The following GRK1 variants were observed in gnomAD, a reference collection of about 807,000 sequenced individuals.
The protein encoded by GRK1 is rhodopsin kinase GRK1.
Under a neutral mutation model 41.7 loss-of-function variants are expected in GRK1, and 28 were observed. The observed-to-expected ratio is 0.67, with a 90% CI of 0.50 to 0.92. The LOEUF (loss-of-function observed/expected upper bound fraction) is 0.92, where lower values mean the gene tolerates loss of function less well. Among genes scored for constraint, GRK1 ranks in the 40% least tolerant of loss-of-function variants. The pLI is 0.00. For missense variants in GRK1, 703 were observed against 671.2 expected, an observed-to-expected ratio of 1.05 and a Z score of -0.52; for synonymous variants, 327 against 286.7, an observed-to-expected ratio of 1.14 and a Z score of -1.42.
Position 113,731,121 on chromosome 13 carries a change from G to T in GRK1, c.1070-98G>T. On this transcript the variant is annotated intron_variant, in intron 4 of 6. Coordinates refer to ENST00000335678, the MANE Select transcript of GRK1 (RefSeq NM_002929.3). This position sits in a 1 kb window ranked among gnomAD's most constrained non-coding sequence, Gnocchi z 5.6. Reference sequence around the variant, plus strand: ...AATGTGGAGAGTGCTGAGGCCCCGGGGGGGATGCATCCCCAGAGCATCAGT... The same window carrying T: ...AATGTGGAGAGTGCTGAGGCCCCGGTGGGGATGCATCCCCAGAGCATCAGT... The T allele has an allele frequency of 1.4e-6, 2 of 1,457,972 alleles. No homozygotes were observed. Among genetic ancestry groups the T allele is most frequent in the South Asian group, 2.7e-5 (2 of 73,882 alleles). 90.3% of individuals were successfully genotyped at this position (1,457,972 alleles called of 1,614,324 possible). A position where few individuals can be genotyped will look rare whatever the true frequency, so the allele number is the denominator to read the frequency against.
intron 5 of GRK1, among the ~76,000 whole-genome samples, chr13:113,732,653 A>G (rs2049945443): frequency 6.6e-6 from 1 of 152,200 alleles, no homozygotes; most frequent in Non-Finnish European, 1.5e-5. Context: ...TGGGTCAGCC[A>G]GAGTCCCCAA....
intron 4 of GRK1, among the ~76,000 whole-genome samples, chr13:113,730,052 C>T (rs1485699402): frequency 6.8e-6 from 1 of 147,582 alleles, no homozygotes; most frequent in Non-Finnish European, 1.5e-5. Context: ...CAGACCCGTC[C>T]CTCCATCCCG....
At position 113,731,280 on chromosome 13, in the gene GRK1, C is replaced by T. The variant is rs768880180; in HGVS notation, c.1131C>T (p.Ala377=). The T allele has an allele frequency of 3.4e-5, 53 of 1,537,016 alleles. No homozygotes were observed. In the Middle Eastern group the frequency reaches 8.3e-4, roughly 24 times the overall value. ...EEYDFSVDYF[A]LGVTLYEMIA... The stretch of plus-strand genomic sequence containing the variant: ...ACGACTTCTCCGTGGACTACTTTGC[C>T]CTGGGGGTCACCCTGTATGAGATGA... The change falls in exon 5 of 7, where the codon GCC becomes GCT. Residue 377 remains alanine, a synonymous_variant. Coordinates refer to ENST00000335678, the MANE Select transcript of GRK1 (RefSeq NM_002929.3). The surrounding 1 kb of genome is among the most constrained non-coding windows in gnomAD (Gnocchi z 5.6).
the GRK1 span, among the ~76,000 whole-genome samples, chr13:113,660,640 G>A: frequency 6.6e-6 from 1 of 152,330 alleles, no homozygotes; most frequent in Non-Finnish European, 1.5e-5. Context: ...TGGACTGAGA[G>A]GATCGTTTTA....
upstream of GRK1, among the ~76,000 whole-genome samples, chr13:113,664,735 C>G (rs1337818266): frequency 1.3e-5 from 2 of 152,130 alleles, no homozygotes; most frequent in African/African-American, 2.4e-5. This position sits in a 1 kb window ranked among gnomAD's most constrained non-coding sequence, Gnocchi z 5.4. Context: ...CTGAAGCAGA[C>G]TCTTTATTCC....
rs374095114 is a variant in GRK1, at chr13:113,727,190, G to C, written c.1070-4029G>C. Reference sequence around the variant, plus strand: ...CAGGCAGGTGTCTGAACTTCTCCTGGAGTCTGACTCACCAGAGCAGACGTC... The same window carrying C: ...CAGGCAGGTGTCTGAACTTCTCCTGCAGTCTGACTCACCAGAGCAGACGTC... On this transcript the variant is annotated intron_variant, in intron 4 of 6. Transcript: ENST00000335678. Among the ~76,000 whole-genome samples, 6 of 152,250 alleles carry C rather than the reference G, an allele frequency of 3.9e-5. No homozygotes were observed. The East Asian group carries it at 1.2e-3, about 29-fold the overall frequency.
chr13:113,735,710 A>T lies in GRK1; in HGVS notation c.*347A>T. Reference sequence around the variant, plus strand: ...ATTGACCAACCGTGTGGTCAGGGGCAGAGACTCGGTTTTGGCCTCCCAAGA... The same window carrying T: ...ATTGACCAACCGTGTGGTCAGGGGCTGAGACTCGGTTTTGGCCTCCCAAGA... On this transcript the variant is annotated 3_prime_UTR_variant, in exon 7 of 7. Transcript: ENST00000335678. 1 of 200,668 alleles carries T rather than the reference A, an allele frequency of 5.0e-6. No individual in the cohort carries two copies. The highest frequency in any genetic ancestry group is 1.0e-5 in the Non-Finnish European group (1 of 100,168). The allele number at this position is 200,668 out of a possible 1,614,324, so 12.4% of individuals were successfully genotyped here.
chr13:113,670,505 G>A (rs565821530), intron 2 of GRK1, among the ~76,000 whole-genome samples: 1 of 152,400 alleles, frequency 6.6e-6, no homozygotes, highest in Non-Finnish European at 1.5e-5. Context: ...GTGGGCAGGG[G>A]CCATGGCTGT....
intron 2 of GRK1, among the ~76,000 whole-genome samples, chr13:113,670,170 C>T (rs1023022995): frequency 2.0e-5 from 3 of 152,188 alleles, no homozygotes; most frequent in Non-Finnish European, 4.4e-5. Flanking sequence ...AGACGAACTT[C>T]ACCAGCGCCC....
rs145308350 is a variant in GRK1 at position 113,735,772 on chromosome 13, C to T, written c.*409C>T. ...GGCTTCCCAGAGCCACGCTCCTCAGCGGGAGGTGCACGGTGGCCAGGTCAG... is the reference window on the plus strand; with the variant it reads ...GGCTTCCCAGAGCCACGCTCCTCAGTGGGAGGTGCACGGTGGCCAGGTCAG... On this transcript the variant is annotated 3_prime_UTR_variant, in exon 7 of 7. Coordinates refer to ENST00000335678, the MANE Select transcript of GRK1 (RefSeq NM_002929.3). The T allele has an allele frequency of 0.025, 3,926 of 158,350 alleles. 71 individuals are homozygous for T. Among genetic ancestry groups the T allele is most frequent in the Non-Finnish European group, 0.04 (2,888 of 72,310 alleles). 9.8% of individuals were successfully genotyped at this position (158,350 alleles called of 1,614,324 possible). A position where few individuals can be genotyped will look rare whatever the true frequency, so the allele number is the denominator to read the frequency against.
rs765070399 is a variant in GRK1, at chr13:113,733,001, C to T, written c.1312C>T (p.Arg438Cys). 1.4e-5 allele frequency: 22 copies of T among 1,536,984 alleles called. No individual in the cohort carries two copies. The highest frequency in any genetic ancestry group is 1.1e-4 in the South Asian group (9 of 84,072). ...GCTGCTGGAGAAGGACCCGGAGAAG[C>T]GCCTGGGGTTCAGAGATGAGACCTG... ...EALLEKDPEK[R>C]LGFRDETCDK... Residue 438 changes from arginine to cysteine, a missense_variant, in exon 6 of 7, where the codon CGC (arginine) becomes TGC (cysteine). Arg to Cys is a radical substitution (Grantham distance 180). Coordinates refer to ENST00000335678, the MANE Select transcript of GRK1 (RefSeq NM_002929.3).
At chr13:113,658,027 A>C in the GRK1 span, 1 of 1,593,882 alleles carries the variant, frequency 6.3e-7, no homozygotes, top group Non-Finnish European at 8.5e-7. Flanking sequence ...CGCCCCCCGC[A>C]CGTACCCCAC....
intron 4 of GRK1, among the ~76,000 whole-genome samples, chr13:113,730,029 C>T (rs1472297442): frequency 6.6e-6 from 1 of 150,670 alleles, no homozygotes; most frequent in Admixed American, 6.6e-5. Flanking sequence ...GACACAGTCC[C>T]CGTGGCTGCA....
chr13:113,658,957 G>C, the GRK1 span, among the ~76,000 whole-genome samples: 1 of 152,192 alleles, frequency 6.6e-6, no homozygotes. Context: ...TTCTAACAGT[G>C]CTGGTGGGAG....
chr13:113,730,598 C>G (rs1024685522), intron 4 of GRK1, among the ~76,000 whole-genome samples: 1 of 152,242 alleles, frequency 6.6e-6, no homozygotes, highest in Non-Finnish European at 1.5e-5. Flanking sequence ...CGTGGCTGCG[C>G]CCAGAGCCGT....
intron 1 of GRK1, 112 bp from the exon 2 acceptor site, chr13:113,669,575 G>C: frequency 7.6e-7 from 1 of 1,315,376 alleles, no homozygotes; most frequent in East Asian, 2.3e-5. Context: ...GCATGTTTGC[G>C]ACTGCTCCGT....
chr13:113,667,956 C>A lies in GRK1; in HGVS notation c.570C>A (p.Phe190Leu). ...CCCAGCCCATGGGGGAGGACTGGTT[C>A]CTGGACTTCAGGGTCCTAGGGAAAG... ...LEAQPMGEDW[F>L]LDFRVLGKGG... is the part of the protein sequence containing the mutation. Residue 190 changes from phenylalanine (F) to leucine (L), a missense_variant, in exon 1 of 7, where the codon TTC becomes TTA. Phe to Leu is a conservative substitution (Grantham distance 22). Transcript: ENST00000335678. This position sits in a 1 kb window ranked among gnomAD's most constrained non-coding sequence, Gnocchi z 7.5. 1 of 1,610,330 alleles carries A rather than the reference C, an allele frequency of 6.2e-7. No individual in the cohort carries two copies. Among genetic ancestry groups the A allele is most frequent in the Non-Finnish European group, 8.5e-7 (1 of 1,178,528 alleles).
rs759754749 is a variant in GRK1, at chr13:113,669,697, TGGA to T, written c.712_714del (p.Glu238del). On this transcript the variant is annotated inframe_deletion, in exon 2 of 7. Coordinates refer to ENST00000335678, the MANE Select transcript of GRK1 (RefSeq NM_002929.3). ...CGTCTCACTTTTCAGGGTGCTATGG[TGGA>T]GAAGAAGATTCTGATGAAAGTACAC... 24 of 1,613,864 alleles carry T rather than the reference TGGA, an allele frequency of 1.5e-5. No homozygotes were observed. In the South Asian group the frequency reaches 2.5e-4, roughly 17 times the overall value.
chr13:113,727,095 T>C (rs2049893993), intron 4 of GRK1, among the ~76,000 whole-genome samples: 1 of 152,190 alleles, frequency 6.6e-6, no homozygotes, highest in Non-Finnish European at 1.5e-5. Context: ...TTGGCCTCAC[T>C]TGGGTAGCAG....
Sources: allele counts gnomAD v4.1 joint callset (sites outside exome capture counted in the v4.1 genomes callset), GRCh38; gene constraint gnomAD v4.1.1; non-coding constraint Gnocchi (gnomAD v3.1); transcripts MANE v1.5; gene names NCBI Gene and HGNC (gene_info 2026-07-23, HGNC 2026-07-21).